CUX1: variants seen among roughly 807,000 people sequenced by gnomAD.
The protein encoded by CUX1 is cut like homeobox 1.
A neutral mutation model predicts 158.8 loss-of-function variants in CUX1; 31 were observed. The ratio of observed to expected loss-of-function variants is 0.20; its 90% CI spans 0.15 to 0.26. CUX1 has a LOEUF of 0.26. Among genes scored for constraint, CUX1 ranks in the 10% least tolerant of loss-of-function variants. The pLI is 1.00. For missense variants in CUX1, 1,589 were observed against 2,014.6 expected, an observed-to-expected ratio of 0.79 and a Z score of 4.04; for synonymous variants, 879 against 862.1, an observed-to-expected ratio of 1.02 and a Z score of -0.34.
intron 8 of CUX1, among the ~76,000 whole-genome samples, chr7:102,144,075 C>T (rs1479813719): frequency 6.6e-6 from 1 of 151,910 alleles, no homozygotes; most frequent in Non-Finnish European, 1.5e-5. Flanking sequence ...AGCCACTGCG[C>T]CCAGCCAGGA....
chr7:101,948,361 G>A (rs1808636185), intron 2 of CUX1, among the ~76,000 whole-genome samples: 1 of 152,174 alleles, frequency 6.6e-6, no homozygotes, highest in Non-Finnish European at 1.5e-5. Flanking sequence ...TGTCTGCTCT[G>A]ATGGAGTGAG....
At chr7:102,092,055 T>C (rs1304853669) in intron 4 of CUX1, among the ~76,000 whole-genome samples, 2 of 152,246 alleles carry the variant, frequency 1.3e-5, no homozygotes, top group Admixed American at 1.3e-4. Context: ...GCCGTCCATC[T>C]CTGGCCACTT....
downstream of CUX1, among the ~76,000 whole-genome samples, chr7:102,259,419 C>A (rs1554543057): frequency 6.6e-6 from 1 of 152,190 alleles, no homozygotes; most frequent in Non-Finnish European, 1.5e-5. Context: ...GAAACCCCGT[C>A]TCTACTAAAA....
chr7:102,225,052 G>A (rs1798208375), intron 20 of CUX1, among the ~76,000 whole-genome samples: 1 of 152,154 alleles, frequency 6.6e-6, no homozygotes, highest in Non-Finnish European at 1.5e-5. Flanking sequence ...AACATTTGTG[G>A]GGTTTTATAT....
chr7:102,025,072 A>T (rs1190034267), intron 2 of CUX1, among the ~76,000 whole-genome samples: 1 of 152,046 alleles, frequency 6.6e-6, no homozygotes, highest in Non-Finnish European at 1.5e-5. Flanking sequence ...TTCCTATAGC[A>T]TTCCGACCTC....
chr7:102,096,136 G>A (rs1011148601), intron 4 of CUX1, among the ~76,000 whole-genome samples: 1 of 152,236 alleles, frequency 6.6e-6, no homozygotes, highest in African/African-American at 2.4e-5. Flanking sequence ...CCTGGCTGCC[G>A]TGCAGCGCGC....
chr7:102,151,667 A>G (rs1371963679), intron 8 of CUX1, among the ~76,000 whole-genome samples: 5 of 142,612 alleles, frequency 3.5e-5, no homozygotes, highest in Non-Finnish European at 7.6e-5. Context: ...GGCAGAGGCT[A>G]CAGTGAGTTG....
chr7:101,835,462 C>G (rs568853142), intron 1 of CUX1, among the ~76,000 whole-genome samples: 4 of 152,114 alleles, frequency 2.6e-5, no homozygotes, highest in Non-Finnish European at 4.4e-5. Context: ...TGTGAACATT[C>G]GTGTACAAAT....
chr7:102,122,479 G>GCTC (rs1554493780), intron 8 of CUX1, among the ~76,000 whole-genome samples: 1 of 149,932 alleles, frequency 6.7e-6, no homozygotes. Flanking sequence ...CAAGTATTTT[G>GCTC]CTCCACACCT....
intron 9 of CUX1, among the ~76,000 whole-genome samples, chr7:102,163,784 ACCAACACCTTTCCCATCAGGAAAC>A (rs1790713990): frequency 6.6e-6 from 1 of 152,136 alleles, no homozygotes; most frequent in Non-Finnish European, 1.5e-5. Flanking sequence ...AGGCATCTGG[ACCAACACCTTTCCCATCAGGAAAC>A]CCCCCAGGAG....
chr7:101,848,511 G>A (rs1281499096), intron 1 of CUX1, among the ~76,000 whole-genome samples: 6 of 152,120 alleles, frequency 3.9e-5, no homozygotes, highest in Non-Finnish European at 8.8e-5. Context: ...TGTTGGGCGA[G>A]GGATCTTGAT....
At position 102,149,130 on chromosome 7, in the gene CUX1, A is replaced by G. The variant is rs140580067; in HGVS notation, c.675-9430A>G. ...GATGCCTCGCAACCCCGAGAGAGCC[A>G]CTGAAAAGTTGTTACAAAATTGAAC... On this transcript the variant is annotated intron_variant, in intron 8 of 23. Transcript: ENST00000292535. Among the ~76,000 whole-genome samples the G allele has an allele frequency of 1.3e-3, 196 of 152,182 alleles. 1 individual carries two copies. The highest frequency in any genetic ancestry group is 4.6e-3 in the African/African-American group (192 of 41,524).
intron 20 of CUX1, among the ~76,000 whole-genome samples, chr7:102,205,972 G>C (rs1470443287): frequency 6.6e-6 from 1 of 152,168 alleles, no homozygotes; most frequent in Non-Finnish European, 1.5e-5. Context: ...CTGTGAGCTG[G>C]TCCTCTTTTT....
At chr7:101,963,618 C>A (rs959711500) in intron 2 of CUX1, among the ~76,000 whole-genome samples, 1 of 152,050 alleles carries the variant, frequency 6.6e-6, no homozygotes, top group Non-Finnish European at 1.5e-5. Context: ...GAATAATAAT[C>A]AATTACTTAG....
chr7:102,222,525 A>G (rs1458157255), intron 20 of CUX1, among the ~76,000 whole-genome samples: 1 of 152,038 alleles, frequency 6.6e-6, no homozygotes, highest in Non-Finnish European at 1.5e-5. Flanking sequence ...CCACATGCAG[A>G]CGCCCTCAGC....
intron 8 of CUX1, among the ~76,000 whole-genome samples, chr7:102,150,675 G>T (rs1835549479): frequency 6.6e-6 from 1 of 152,196 alleles, no homozygotes; most frequent in East Asian, 1.9e-4. Flanking sequence ...GTAAATACTA[G>T]AATTTCCAGC....
chr7:102,261,216 G>A (rs1160953875), downstream of CUX1, among the ~76,000 whole-genome samples: 3 of 152,204 alleles, frequency 2.0e-5, no homozygotes, highest in Admixed American at 1.3e-4. Context: ...GGCCCTGGTC[G>A]AGCATGGTGG....
intron 2 of CUX1, among the ~76,000 whole-genome samples, chr7:101,945,830 C>G (rs1217475804): frequency 6.6e-6 from 1 of 152,194 alleles, no homozygotes; most frequent in East Asian, 1.9e-4. Context: ...GCCTGTATCA[C>G]CTTCCCTTCC....
In CUX1 at chr7:101,837,822, C is replaced by T. The variant is rs554473385; in HGVS notation, c.30+20153C>T. On this transcript the variant is annotated intron_variant, in intron 1 of 23. Transcript: ENST00000292535. ...TTCCAGCCTGGGTGACAGAACGAGA[C>T]CCTGTCAAAAAAAAAAAAAAAAAAA... is the stretch of plus-strand genomic sequence containing the variant. Among the ~76,000 whole-genome samples, 5 of 94,864 alleles carry T rather than the reference C, an allele frequency of 5.3e-5. No homozygotes were observed. The East Asian group carries it at 1.4e-3, about 27-fold the overall frequency. The allele number at this position is 94,864 out of a possible 152,430, so 62.2% of individuals were successfully genotyped here.
Sources: allele counts gnomAD v4.1 joint callset (sites outside exome capture counted in the v4.1 genomes callset), GRCh38; gene constraint gnomAD v4.1.1; transcripts MANE v1.5; gene names NCBI Gene and HGNC (gene_info 2026-07-23, HGNC 2026-07-21).